FAM120C: variants seen among roughly 807,000 people sequenced by gnomAD.
FAM120C encodes family with sequence similarity 120 member C.
In FAM120C, 14 loss-of-function variants were observed where a neutral mutation model predicts 71.2. That is an observed-to-expected ratio of 0.20 (90% CI 0.13 to 0.31). The LOEUF is 0.31. Among genes scored for constraint, FAM120C ranks in the 10% least tolerant of loss-of-function variants. The probability of loss-of-function intolerance (pLI) is 1.00; values close to 1 mark genes in which losing one functional copy is unlikely to be tolerated. For synonymous variants in FAM120C, 354 were observed against 353.2 expected, an observed-to-expected ratio of 1.00 and a Z score of -0.03; for missense variants, 500 against 879.0, an observed-to-expected ratio of 0.57 and a Z score of 5.45.
At chrX:54,157,567 AT>A in intron 3 of FAM120C, 121 bp downstream of exon 3, 1 of 538,542 alleles carries the variant, frequency 1.9e-6, no homozygotes, top group Non-Finnish European at 3.0e-6. Flanking sequence ...CATAACTAAT[AT>A]TTTTTTCTTT....
At chrX:54,144,189 C>T (rs1603361134) in intron 4 of FAM120C, among the ~76,000 whole-genome samples, 1 of 111,343 alleles carries the variant, frequency 9.0e-6, no homozygotes, top group Non-Finnish European at 1.9e-5. Context: ...CTATTTATGA[C>T]AAACCCACAG....
chrX:54,081,789 A>G (rs1383958389), intron 13 of FAM120C, among the ~76,000 whole-genome samples: 24 of 107,640 alleles, frequency 2.2e-4, no homozygotes, highest in South Asian at 2.0e-3. Flanking sequence ...AAAAAAAAAA[A>G]AAGAAGAAGA....
intron 4 of FAM120C, among the ~76,000 whole-genome samples, chrX:54,142,568 A>C (rs994374744): frequency 1.8e-4 from 20 of 112,052 alleles, no homozygotes; most frequent in Non-Finnish European, 3.8e-4. Flanking sequence ...CTGAGGCTTG[A>C]GTAGGTAAAC....
At chrX:54,078,074 G>A (rs1267183090) in intron 15 of FAM120C, among the ~76,000 whole-genome samples, 1 of 102,013 alleles carries the variant, frequency 9.8e-6, no homozygotes, top group African/African-American at 3.5e-5. Context: ...CTCCCGAGTA[G>A]CTGGGACTAC....
At chrX:54,147,445 GC>G (rs2067163089) in intron 4 of FAM120C, 1 of 111,710 alleles carries the variant, frequency 9.0e-6, no homozygotes, top group Non-Finnish European at 1.9e-5. Flanking sequence ...TCTAATACCT[GC>G]CACTTTCAGA....
intron 10 of FAM120C, among the ~76,000 whole-genome samples, chrX:54,104,837 C>A (rs902132016): frequency 9.1e-6 from 1 of 109,938 alleles, no homozygotes; most frequent in African/African-American, 3.3e-5. Flanking sequence ...AAAGAAAAAA[C>A]CCCTCCCAAG....
At chrX:54,178,699 A>G in intron 1 of FAM120C, among the ~76,000 whole-genome samples, 1 of 111,787 alleles carries the variant, frequency 8.9e-6, no homozygotes, top group Admixed American at 9.5e-5. Flanking sequence ...AGAAAAGTCA[A>G]TGACTTTTCA....
chrX:54,077,183 G>A (rs1360465012), intron 15 of FAM120C, among the ~76,000 whole-genome samples: 1 of 111,364 alleles, frequency 9.0e-6, no homozygotes, highest in Non-Finnish European at 1.9e-5. Context: ...GAAAGCTCTA[G>A]TAGTAATGGT....
At chrX:54,078,245 G>A (rs1011698556) in intron 15 of FAM120C, among the ~76,000 whole-genome samples, 11 of 110,202 alleles carry the variant, frequency 1.0e-4, no homozygotes, top group Non-Finnish European at 1.7e-4. Context: ...GCCCGGCCGA[G>A]ATCTACTCTT....
chrX:54,107,810 T>C (rs1318650453), intron 10 of FAM120C, among the ~76,000 whole-genome samples: 2 of 101,689 alleles, frequency 2.0e-5, no homozygotes, highest in African/African-American at 3.6e-5. Flanking sequence ...GTGTGAGCCA[T>C]GGTGCTCGGC....
intron 1 of FAM120C, chrX:54,171,399 CCT>C (rs2067287202): frequency 9.0e-6 from 1 of 111,633 alleles, no homozygotes; most frequent in Non-Finnish European, 1.9e-5. Context: ...AGAGCAAGAC[CCT>C]GTGTTTAAAA....
At chrX:54,162,248 A>G (rs1230853400) in intron 1 of FAM120C, among the ~76,000 whole-genome samples, 1 of 111,365 alleles carries the variant, frequency 9.0e-6, no homozygotes, top group African/African-American at 3.3e-5. Flanking sequence ...TAACAGGCTA[A>G]TTTCCTAACT....
chrX:54,129,208 C>T (rs1160287441), intron 9 of FAM120C, among the ~76,000 whole-genome samples: 1 of 107,469 alleles, frequency 9.3e-6, no homozygotes, highest in Non-Finnish European at 1.9e-5. Flanking sequence ...GGTGGAGACG[C>T]TCCTCACTTC....
chrX:54,159,760 A>C, intron 1 of FAM120C, 144 bp from the exon 2 acceptor site: 1 of 475,440 alleles, frequency 2.1e-6, no homozygotes, highest in Non-Finnish European at 3.0e-6. Context: ...AACATTTTTT[A>C]CTTTTTTTTT....
chrX:54,087,674 A>C, intron 12 of FAM120C, 81 bp downstream of exon 12: 2 of 950,152 alleles, frequency 2.1e-6, no homozygotes, highest in East Asian at 3.1e-5. Context: ...CCTCTCCACT[A>C]TCTCTGCTCC....
intron 12 of FAM120C, among the ~76,000 whole-genome samples, chrX:54,087,057 T>TA (rs1229059359): frequency 1.8e-5 from 2 of 108,788 alleles, no homozygotes; most frequent in East Asian, 2.9e-4. Flanking sequence ...AATGTTTCAT[T>TA]AAAAAAAATC....
At chrX:54,180,564 C>T (rs782517514) in intron 1 of FAM120C, among the ~76,000 whole-genome samples, 160 of 112,113 alleles carry the variant, frequency 1.4e-3, no homozygotes, top group Non-Finnish European at 2.4e-3. Context: ...TACCCAGGAG[C>T]CAAGGAAGAG....
chrX:54,162,458 C>T (rs1235381964), intron 1 of FAM120C, among the ~76,000 whole-genome samples: 3 of 111,827 alleles, frequency 2.7e-5, no homozygotes, highest in Admixed American at 9.6e-5. Context: ...ACTAATTTGA[C>T]AATACCATCA....
At chrX:54,130,294 ATTG>A (rs1332826824) in intron 9 of FAM120C, among the ~76,000 whole-genome samples, 4 of 111,337 alleles carry the variant, frequency 3.6e-5, no homozygotes, top group African/African-American at 9.8e-5. Flanking sequence ...TACTCTGTTG[ATTG>A]TTTCTTTTGC....
Sources: allele counts gnomAD v4.1 joint callset (sites outside exome capture counted in the v4.1 genomes callset), GRCh38; gene constraint gnomAD v4.1.1; transcripts MANE v1.5; gene names NCBI Gene and HGNC (gene_info 2026-07-23, HGNC 2026-07-21).